EPHA6: variants seen among roughly 807,000 people sequenced by gnomAD.
The protein encoded by EPHA6 is EPH receptor A6, also known as ephrin type-A receptor 6.
A neutral mutation model predicts 112.0 loss-of-function variants in EPHA6; 50 were observed. The observed-to-expected ratio is 0.45, with a 90% confidence interval of 0.36 to 0.56. EPHA6 has a LOEUF of 0.56. Among genes scored for constraint, EPHA6 ranks in the 20% least tolerant of loss-of-function variants. EPHA6 has a pLI of 0.00. For synonymous variants in EPHA6, 529 were observed against 490.7 expected, an observed-to-expected ratio of 1.08 and a Z score of -1.03; for missense variants, 1,280 against 1,417.4, an observed-to-expected ratio of 0.90 and a Z score of 1.56.
intron 2 of EPHA6, among the ~76,000 whole-genome samples, chr3:96,972,179 A>G (rs2042339011): frequency 6.6e-6 from 1 of 152,052 alleles, no homozygotes; most frequent in Non-Finnish European, 1.5e-5. Flanking sequence ...TCTATTTTCC[A>G]TGACTATTCC....
intron 5 of EPHA6, among the ~76,000 whole-genome samples, chr3:97,391,000 C>G (rs1429910661): frequency 1.3e-5 from 2 of 152,078 alleles, no homozygotes; most frequent in Non-Finnish European, 1.5e-5. Flanking sequence ...TTTACTATTA[C>G]ACAATAGAAT....
intron 5 of EPHA6, among the ~76,000 whole-genome samples, chr3:97,402,076 T>A: frequency 6.6e-6 from 1 of 152,190 alleles, no homozygotes; most frequent in Non-Finnish European, 1.5e-5. Context: ...TGGCCTAACA[T>A]GTGGTCTATT....
At chr3:97,044,841 A>T (rs2045447335) in intron 3 of EPHA6, among the ~76,000 whole-genome samples, 1 of 152,112 alleles carries the variant, frequency 6.6e-6, no homozygotes, top group South Asian at 2.1e-4. Flanking sequence ...GTGGAGGTAA[A>T]CTATAAAAAC....
chr3:97,511,437 G>A (rs564718763), intron 10 of EPHA6, among the ~76,000 whole-genome samples: 1 of 152,120 alleles, frequency 6.6e-6, no homozygotes, highest in East Asian at 1.9e-4. Flanking sequence ...AGAGGAGGGG[G>A]TTCCTCGACC....
chr3:97,322,992 A>G (rs1214594796), intron 5 of EPHA6, among the ~76,000 whole-genome samples: 1 of 151,998 alleles, frequency 6.6e-6, no homozygotes, highest in Non-Finnish European at 1.5e-5. Context: ...ATTAATGTTA[A>G]TTGAAGTTAT....
intron 13 of EPHA6, among the ~76,000 whole-genome samples, chr3:97,630,993 A>G (rs1450830729): frequency 6.6e-6 from 1 of 151,846 alleles, no homozygotes; most frequent in African/African-American, 2.4e-5. Flanking sequence ...CCATTTTCTC[A>G]TTGGCACAAA....
chr3:97,522,519 A>C (rs976959563), intron 10 of EPHA6, among the ~76,000 whole-genome samples: 2 of 151,674 alleles, frequency 1.3e-5, no homozygotes, highest in Admixed American at 1.3e-4. Flanking sequence ...GTTTTTTTAT[A>C]TTGTTCTTGT....
chr3:97,288,515 TG>T (rs1264617368), intron 5 of EPHA6, among the ~76,000 whole-genome samples: 1 of 152,210 alleles, frequency 6.6e-6, no homozygotes, highest in Non-Finnish European at 1.5e-5. Flanking sequence ...TACCTTATCT[TG>T]CAGTTTTGAA....
intron 4 of EPHA6, among the ~76,000 whole-genome samples, chr3:97,228,494 T>A (rs762265232): frequency 3.9e-5 from 6 of 151,964 alleles, no homozygotes; most frequent in Admixed American, 6.6e-5. Context: ...ATTATTTTGT[T>A]CCTTTTTATT....
At chr3:97,126,131 T>C (rs2048176398) in intron 3 of EPHA6, among the ~76,000 whole-genome samples, 1 of 152,222 alleles carries the variant, frequency 6.6e-6, no homozygotes, top group Non-Finnish European at 1.5e-5. Flanking sequence ...GCCTTCACAG[T>C]ATTGCTGGGC....
intron 3 of EPHA6, among the ~76,000 whole-genome samples, chr3:97,059,789 T>G (rs1404014459): frequency 6.6e-6 from 1 of 151,718 alleles, no homozygotes; most frequent in Admixed American, 6.6e-5. Context: ...AATGTATTTC[T>G]CAAGTACAAA....
At chr3:97,184,520 C>T (rs532267180) in intron 3 of EPHA6, among the ~76,000 whole-genome samples, 2 of 152,190 alleles carry the variant, frequency 1.3e-5, no homozygotes, top group African/African-American at 2.4e-5. Context: ...ACATGAAGGA[C>T]CTCTTCAAGG....
intron 3 of EPHA6, 21 bp from the exon 4 acceptor site, chr3:97,226,243 T>G: frequency 6.3e-7 from 1 of 1,575,890 alleles, no homozygotes; most frequent in Non-Finnish European, 8.6e-7. Flanking sequence ...ACTAAAAAAG[T>G]GTTTTTTTCT....
intron 13 of EPHA6, chr3:97,612,554 CA>C (rs1377330270): frequency 9.1e-6 from 2 of 219,604 alleles, no homozygotes; most frequent in Admixed American, 5.1e-5. Flanking sequence ...TTTAAAGAAA[CA>C]ATAATATGTT....
At chr3:97,343,738 A>G (rs778946778) in intron 5 of EPHA6, among the ~76,000 whole-genome samples, 1 of 152,160 alleles carries the variant, frequency 6.6e-6, no homozygotes, top group Non-Finnish European at 1.5e-5. Flanking sequence ...AGAAAATGTA[A>G]AAAGGACTTC....
At chr3:96,858,157 G>A (rs1237730936) in intron 1 of EPHA6, among the ~76,000 whole-genome samples, 5 of 152,052 alleles carry the variant, frequency 3.3e-5, no homozygotes, top group East Asian at 3.9e-4. Flanking sequence ...TTGAAGAAGA[G>A]GCAATCATGA....
At chr3:97,563,849 A>T (rs1382935746) in intron 11 of EPHA6, among the ~76,000 whole-genome samples, 1 of 152,180 alleles carries the variant, frequency 6.6e-6, no homozygotes, top group Non-Finnish European at 1.5e-5. Flanking sequence ...AATAATGTTT[A>T]TTTAAGCCAA....
intron 3 of EPHA6, among the ~76,000 whole-genome samples, chr3:97,082,077 C>T (rs1220047423): frequency 6.6e-6 from 1 of 151,442 alleles, no homozygotes; most frequent in Non-Finnish European, 1.5e-5. Context: ...ATATGTTTAT[C>T]ATGTATAACA....
At chr3:97,242,874 T>C (rs1425098781) in intron 4 of EPHA6, among the ~76,000 whole-genome samples, 1 of 151,922 alleles carries the variant, frequency 6.6e-6, no homozygotes, top group Non-Finnish European at 1.5e-5. Flanking sequence ...ATTTATATAG[T>C]ATATTATTTT....
Sources: allele counts gnomAD v4.1 joint callset (sites outside exome capture counted in the v4.1 genomes callset), GRCh38; gene constraint gnomAD v4.1.1; transcripts MANE v1.5; gene names NCBI Gene and HGNC (gene_info 2026-07-23, HGNC 2026-07-21).